The following SHOX variants were observed in gnomAD, a reference collection of about 807,000 sequenced individuals.
SHOX encodes the protein short stature homeobox protein.
Under a neutral mutation model 29.6 loss-of-function variants are expected in SHOX, and 12 were observed. The ratio of observed to expected loss-of-function variants is 0.41; its 90% CI spans 0.26 to 0.66. SHOX has a LOEUF of 0.66. Ranked by LOEUF, SHOX falls within the 30% of genes least tolerant of loss-of-function variation. The pLI is 0.35. For synonymous variants in SHOX, 214 were observed against 200.6 expected (o/e 1.07, Z -0.57); for missense variants, 499 against 437.7 (o/e 1.14, Z -1.25).
At chrX:651,872 G>C (rs2053070419), downstream of SHOX, among the ~76,000 whole-genome samples, 1 of 151,924 alleles carries the variant, frequency 6.6e-6, no homozygotes, top group Admixed American at 6.6e-5. Context: ...AAAAAGCCCT[G>C]ATTTGAATCA....
At position 650,496 on chromosome X, in the gene SHOX, A is replaced by C. The variant is rs190249561; in HGVS notation, c.*5860A>C. Among the ~76,000 whole-genome samples the C allele has an allele frequency of 3.2e-4, 49 of 152,194 alleles. No individual in the cohort carries two copies. The East Asian group carries it at 9.3e-3, about 29-fold the overall frequency. On this transcript the variant is annotated 3_prime_UTR_variant, in exon 5 of 5. Transcript: ENST00000686671. ...GGCGTTTAACCGAAATGAAGCCGAG[A>C]CGGGTTTCAGGTTTTGGTGCCAAGC...
chrX:634,908 CGCCCG>C, intron 2 of SHOX, 82 bp downstream of exon 2: 1 of 1,397,522 alleles, frequency 7.2e-7, no homozygotes. Flanking sequence ...CAGCCACCTG[CGCCCG>C]GGCCGCCGCC....
rs753730341 is a variant in SHOX at position 642,471 on chromosome X, A to G, written c.633+1384A>G. Among the ~76,000 whole-genome samples the G allele has an allele frequency of 9.2e-5, 14 of 152,174 alleles. No homozygotes were observed. The South Asian group carries it at 2.5e-3, about 27-fold the overall frequency. On this transcript the variant is annotated intron_variant, in intron 4 of 4. Coordinates refer to ENST00000686671, the MANE Select transcript of SHOX (RefSeq NM_000451.4). Reference sequence around the variant, plus strand: ...TAAACGTATAAATCATAAGTAAACAACTCAGAAATGGACCCCGAGCGCTGG... The same window carrying G: ...TAAACGTATAAATCATAAGTAAACAGCTCAGAAATGGACCCCGAGCGCTGG...
rs969790116 is a variant in SHOX at position 649,869 on chromosome X, G to T, written c.*5233G>T. On this transcript the variant is annotated 3_prime_UTR_variant, in exon 5 of 5. Coordinates refer to ENST00000686671, the MANE Select transcript of SHOX (RefSeq NM_000451.4). ...GAGCAAAAAACACTTCTTCCTTTGAGTGGCTGTTCTGGTGAAATCTGTTTC... is the reference window on the plus strand; with the variant it reads ...GAGCAAAAAACACTTCTTCCTTTGATTGGCTGTTCTGGTGAAATCTGTTTC... 2.2e-6 allele frequency: 1 copy of T among 455,554 alleles called. No homozygotes were observed. The highest frequency in any genetic ancestry group is 2.4e-5 in the Admixed American group (1 of 42,480). 28.2% of individuals were successfully genotyped at this position (455,554 alleles called of 1,614,324 possible).
chrX:625,677 C>T (rs2052515222), intron 1 of SHOX, among the ~76,000 whole-genome samples: 1 of 135,682 alleles, frequency 7.4e-6, no homozygotes, highest in African/African-American at 2.8e-5. Flanking sequence ...TCCTCTCTCT[C>T]TTTTTTTCTC....
Position 634,838 on chromosome X carries a change from G to A in SHOX, c.486+12G>A, listed in dbSNP as rs748785733. ...AGGCGCGCGTGCAGGTAGGAACCCG[G>A]GGGCGGGGGCGGGGGGCCCGGAGCC... On this transcript the variant is annotated intron_variant, in intron 2 of 4. Coordinates refer to ENST00000686671, the MANE Select transcript of SHOX (RefSeq NM_000451.4). 5.8e-6 allele frequency: 9 copies of A among 1,549,712 alleles called. No individual in the cohort carries two copies. The Admixed American group carries it at 9.8e-5, about 17-fold the overall frequency.
rs189276537 is a variant in SHOX at position 638,860 on chromosome X, C to T, written c.487-1961C>T. 3.7e-4 allele frequency among the ~76,000 whole-genome samples: 56 copies of T among 152,326 alleles called. 1 individual carries two copies. In the East Asian group the frequency reaches 0.01, roughly 28 times the overall value. ...GTTCACTCACCGCCTTGGCGGAGGACGCCTGTTCTCTGGACGAATCATTTC... is the reference window on the plus strand; with the variant it reads ...GTTCACTCACCGCCTTGGCGGAGGATGCCTGTTCTCTGGACGAATCATTTC... On this transcript the variant is annotated intron_variant, in intron 2 of 4. Transcript: ENST00000686671.
chrX:628,919 C>G (rs372803927), upstream of SHOX, among the ~76,000 whole-genome samples: 2 of 26,246 alleles, frequency 7.6e-5, no homozygotes, highest in East Asian at 8.8e-4. Context: ...CTCTCCCTTT[C>G]TCTCTCTCTG....
chrX:640,741 G>T, intron 2 of SHOX, 80 bp from the exon 3 acceptor site: 3 of 1,531,384 alleles, frequency 2.0e-6, no homozygotes, highest in Non-Finnish European at 2.7e-6. Flanking sequence ...GCTTGGTTCA[G>T]CCTCATGGGA....
chrX:625,058 C>CCGTCCCTCCCTCCCTCCTTCT (rs1556451947), intron 1 of SHOX, among the ~76,000 whole-genome samples: 1 of 75,214 alleles, frequency 1.3e-5, no homozygotes, highest in Non-Finnish European at 2.2e-5. Flanking sequence ...TCTGTTCCTT[C>CCGTCCCTCCCTCCCTCCTTCT]CTCCCTCCCT....
intron 2 of SHOX, among the ~76,000 whole-genome samples, chrX:637,101 C>T (rs1424970950): frequency 6.6e-6 from 1 of 151,608 alleles, no homozygotes; most frequent in East Asian, 1.9e-4. Flanking sequence ...GCGATACAGC[C>T]CAGGAGGGAG....
At position 656,860 on chromosome X, in the gene SHOX, AC is replaced by A. The variant is rs1223555300; in HGVS notation, c.634-1924del. ...TCCGTCTCAAAAAAAAAAAAAAAAA[AC>A]TGCTGCCCAAGCTGTGTTTGCACCA... On this transcript the variant is annotated intron_variant, in intron 5 of 5. Transcript: ENST00000334060. Among the ~76,000 whole-genome samples the A allele has an allele frequency of 7.0e-4, 17 of 24,116 alleles. 6 individuals are homozygous for A. Among genetic ancestry groups the A allele is most frequent in the Non-Finnish European group, 1.3e-3 (16 of 12,026 alleles). The allele number at this position is 24,116 out of a possible 152,430, so 15.8% of individuals were successfully genotyped here.
intron 1 of SHOX, 53 bp from the exon 2 acceptor site, chrX:634,565 C>A: frequency 6.3e-7 from 1 of 1,593,922 alleles, no homozygotes; most frequent in Non-Finnish European, 8.6e-7. Flanking sequence ...GGGTTCGCCA[C>A]GTTGCGCAAA....
chrX:632,469 T>C (rs952060930), intron 1 of SHOX, among the ~76,000 whole-genome samples: 8 of 152,184 alleles, frequency 5.3e-5, no homozygotes, highest in Non-Finnish European at 8.8e-5. Context: ...GCAGAGAATC[T>C]AGCCTCGGCT....
At chrX:624,851 C>A (rs2052479274) in intron 1 of SHOX, among the ~76,000 whole-genome samples, 1 of 113,784 alleles carries the variant, frequency 8.8e-6, no homozygotes, top group African/African-American at 3.5e-5. Flanking sequence ...TCCTCTCTTC[C>A]TCTTTCTTTC....
At chrX:635,611 C>G (rs944904271) in intron 2 of SHOX, among the ~76,000 whole-genome samples, 3 of 152,236 alleles carry the variant, frequency 2.0e-5, no homozygotes, top group South Asian at 4.1e-4. Context: ...CGCGCGAATT[C>G]ACGCTGCCCC....
intron 1 of SHOX, among the ~76,000 whole-genome samples, chrX:625,182 A>G (rs987695328): frequency 2.5e-5 from 2 of 81,038 alleles, no homozygotes; most frequent in African/African-American, 5.1e-5. Context: ...CTCCCCCTTC[A>G]TCGTCCCTCC....
rs1232185436 is a variant in SHOX at position 645,647 on chromosome X, AG to A, written c.*1014del. The A allele has an allele frequency of 2.0e-5, 3 of 151,910 alleles. No homozygotes were observed. The highest frequency in any genetic ancestry group is 4.4e-5 in the Non-Finnish European group (3 of 68,002). 9.4% of individuals were successfully genotyped at this position (151,910 alleles called of 1,614,324 possible). ...CCCAGCGCTGGCCGCCTGGCCACTG[AG>A]GGCCCTTTGCAAAAATCACGGGTGT... On this transcript the variant is annotated 3_prime_UTR_variant, in exon 5 of 5. Coordinates refer to ENST00000686671, the MANE Select transcript of SHOX (RefSeq NM_000451.4).
rs113700081 is a variant in SHOX, at chrX:648,238, T to G, written c.*3602T>G. On this transcript the variant is annotated 3_prime_UTR_variant, in exon 5 of 5. Coordinates refer to ENST00000686671, the MANE Select transcript of SHOX (RefSeq NM_000451.4). ...ACCAGGCCTGGGTAACTTTCTGGTA[T>G]TTTTAGTACAGACAGGGTTTCGGCC... Among the ~76,000 whole-genome samples the G allele has an allele frequency of 4.7e-5, 6 of 128,172 alleles. No homozygotes were observed. The highest frequency in any genetic ancestry group is 1.6e-4 in the Admixed American group (2 of 12,840). 84.1% of individuals were successfully genotyped at this position (128,172 alleles called of 152,430 possible).
Sources: allele counts gnomAD v4.1 joint callset (sites outside exome capture counted in the v4.1 genomes callset), GRCh38; gene constraint gnomAD v4.1.1; transcripts MANE v1.5; gene names NCBI Gene and HGNC (gene_info 2026-07-23, HGNC 2026-07-21).